Variants in TMEM132D observed in about 807,000 individuals in gnomAD.
The protein encoded by TMEM132D is transmembrane protein 132D.
A neutral mutation model predicts 62.3 loss-of-function variants in TMEM132D; 21 were observed. The ratio of observed to expected loss-of-function variants is 0.34; its 90% confidence interval spans 0.24 to 0.49. The LOEUF is 0.49. TMEM132D is among the 20% of genes least tolerant of loss of function. TMEM132D has a pLI of 0.99. For synonymous variants in TMEM132D, 621 were observed against 575.6 expected, an observed-to-expected ratio of 1.08 and a Z score of -1.13; for missense variants, 1,346 against 1,402.8, an observed-to-expected ratio of 0.96 and a Z score of 0.65.
intron 3 of TMEM132D, among the ~76,000 whole-genome samples, chr12:129,399,908 C>A (rs1226753804): frequency 6.6e-6 from 1 of 151,488 alleles, no homozygotes; most frequent in African/African-American, 2.4e-5. Context: ...GGGGTATATA[C>A]ATTTTTCATA....
chr12:129,103,446 G>A (rs545641386), intron 5 of TMEM132D, among the ~76,000 whole-genome samples: 5 of 152,324 alleles, frequency 3.3e-5, no homozygotes, highest in African/African-American at 9.6e-5. Flanking sequence ...AGCAACAGCT[G>A]AGCAGCAAGC....
At chr12:129,787,700 A>G (rs1007972782) in intron 1 of TMEM132D, among the ~76,000 whole-genome samples, 11 of 152,152 alleles carry the variant, frequency 7.2e-5, no homozygotes, top group Admixed American at 5.9e-4. Context: ...CCAAAATTTC[A>G]TCAACAGGAC....
chr12:129,312,746 A>C (rs1490148260), intron 4 of TMEM132D, among the ~76,000 whole-genome samples: 2 of 152,146 alleles, frequency 1.3e-5, no homozygotes. Context: ...CTTGAACTAA[A>C]TGTGTGAACA....
intron 5 of TMEM132D, among the ~76,000 whole-genome samples, chr12:129,190,858 C>G (rs1374052604): frequency 1.3e-5 from 2 of 152,172 alleles, no homozygotes; most frequent in African/African-American, 4.8e-5. Flanking sequence ...TATCCTAGCT[C>G]TCTGTTCTCA....
intron 2 of TMEM132D, among the ~76,000 whole-genome samples, chr12:129,562,961 C>T (rs1362915178): frequency 6.6e-6 from 1 of 152,194 alleles, no homozygotes; most frequent in African/African-American, 2.4e-5. Context: ...ACGGCACCTA[C>T]CATCTTGTGC....
intron 1 of TMEM132D, among the ~76,000 whole-genome samples, chr12:129,714,957 G>A (rs264481): frequency 0.28 from 42,586 of 151,972 alleles, 6,399 homozygotes; most frequent in Middle Eastern, 0.37. Flanking sequence ...TGCGTAAGCC[G>A]CTCCCCATCC....
chr12:129,648,476 C>T (rs1879843078), intron 2 of TMEM132D, among the ~76,000 whole-genome samples: 1 of 152,190 alleles, frequency 6.6e-6, no homozygotes, highest in Non-Finnish European at 1.5e-5. Context: ...ATTAAACTCT[C>T]CCTATTGCAA....
At chr12:129,399,896 G>A (rs117706737) in intron 3 of TMEM132D, among the ~76,000 whole-genome samples, 1 of 151,358 alleles carries the variant, frequency 6.6e-6, no homozygotes, top group Admixed American at 6.6e-5. Context: ...TGTGTGTGTG[G>A]GGGGGTATAT....
intron 5 of TMEM132D, among the ~76,000 whole-genome samples, chr12:129,125,472 G>A (rs983954511): frequency 2.0e-5 from 3 of 150,496 alleles, no homozygotes; most frequent in Non-Finnish European, 3.0e-5. Context: ...ATATGTTTAG[G>A]TGATGTGACG....
intron 3 of TMEM132D, among the ~76,000 whole-genome samples, chr12:129,420,295 G>T (rs1229374611): frequency 7.7e-6 from 1 of 129,348 alleles, no homozygotes; most frequent in African/African-American, 3.0e-5. Context: ...TCAAATTATT[G>T]CACGTTCTCT....
At chr12:129,367,315 G>A (rs147714923) in intron 3 of TMEM132D, among the ~76,000 whole-genome samples, 533 of 152,236 alleles carry the variant, frequency 3.5e-3, no homozygotes, top group Non-Finnish European at 6.2e-3. Context: ...GGCTAGTGGC[G>A]GGCAGGAAGG....
At chr12:129,186,569 C>T (rs1015439816) in intron 5 of TMEM132D, among the ~76,000 whole-genome samples, 36 of 152,162 alleles carry the variant, frequency 2.4e-4, no homozygotes, top group African/African-American at 8.0e-4. Flanking sequence ...TTATTTGTGA[C>T]GGGCAACCCT....
intron 4 of TMEM132D, among the ~76,000 whole-genome samples, chr12:129,292,064 G>A (rs532521916): frequency 2.6e-5 from 4 of 152,164 alleles, no homozygotes; most frequent in South Asian, 4.2e-4. Context: ...GTATGATAAC[G>A]GCATGCCTAT....
At chr12:129,751,533 C>T (rs2097081220) in intron 1 of TMEM132D, among the ~76,000 whole-genome samples, 1 of 116,814 alleles carries the variant, frequency 8.6e-6, no homozygotes, top group African/African-American at 2.8e-5. Context: ...CCTCCAGCTC[C>T]CTGCATCCAC....
intron 4 of TMEM132D, among the ~76,000 whole-genome samples, chr12:129,322,390 C>T (rs1313095001): frequency 1.3e-5 from 2 of 152,214 alleles, no homozygotes; most frequent in Admixed American, 6.5e-5. Flanking sequence ...AATGGCCATG[C>T]CATGATGGCC....
At chr12:129,874,996 T>C (rs1156983943) in intron 1 of TMEM132D, among the ~76,000 whole-genome samples, 5 of 152,192 alleles carry the variant, frequency 3.3e-5, no homozygotes, top group Admixed American at 3.3e-4. Context: ...TTTTAATGGC[T>C]AAAAAGAAAT....
intron 5 of TMEM132D, among the ~76,000 whole-genome samples, chr12:129,162,612 G>A (rs1434401409): frequency 5.9e-5 from 9 of 151,972 alleles, no homozygotes; most frequent in African/African-American, 1.2e-4. Flanking sequence ...TGAGTGCCTC[G>A]GTGATGTGTG....
chr12:129,084,671 T>A lies in TMEM132D; in HGVS notation c.1475A>T (p.Asn492Ile), dbSNP rs1254791418. The change falls in exon 6 of 9, where the codon AAT (asparagine) becomes ATT (isoleucine). Residue 492 changes from asparagine (N) to isoleucine (I), a missense_variant. Physicochemically the swap from Asn to Ile is moderately radical, Grantham distance 149. Coordinates refer to ENST00000422113, the MANE Select transcript of TMEM132D (RefSeq NM_133448.3). Reference protein sequence around the residue: ...VSDRCDYVFVNGKEMKGKVNV... With the variant: ...VSDRCDYVFVIGKEMKGKVNV... ...GACCTTGCCTTTCATTTCTTTCCCATTGACAAAGACGTAGTCACATCTGTC... is the reference window on the plus strand; with the variant it reads ...GACCTTGCCTTTCATTTCTTTCCCAATGACAAAGACGTAGTCACATCTGTC... 1 of 1,613,956 alleles carries A rather than the reference T, an allele frequency of 6.2e-7. No individual in the cohort carries two copies. The highest frequency in any genetic ancestry group is 2.2e-5 in the East Asian group (1 of 44,832).
At chr12:129,390,622 G>A (rs767348720) in intron 3 of TMEM132D, among the ~76,000 whole-genome samples, 5 of 152,140 alleles carry the variant, frequency 3.3e-5, no homozygotes, top group African/African-American at 7.2e-5. Flanking sequence ...GAGCCAGAAG[G>A]TCCCCTGGTC....
Sources: gnomAD v4.1 joint callset for allele counts (sites outside exome capture counted in the v4.1 genomes callset) on GRCh38, gnomAD v4.1.1 for gene constraint, MANE v1.5 for transcripts, NCBI Gene and HGNC (gene_info 2026-07-23, HGNC 2026-07-21) for gene names.